Variants in PPP2R3A observed in about 807,000 individuals in gnomAD.
PPP2R3A encodes serine/threonine-protein phosphatase 2A regulatory subunit B'' subunit alpha.
Under a neutral mutation model 106.9 loss-of-function variants are expected in PPP2R3A, and 80 were observed. The ratio of observed to expected loss-of-function variants is 0.75; its 90% CI spans 0.62 to 0.90. The LOEUF (loss-of-function observed/expected upper bound fraction) is 0.90. PPP2R3A is among the 40% of genes least tolerant of loss of function. The probability of loss-of-function intolerance (pLI) is 0.00; values close to 1 mark genes in which losing one functional copy is unlikely to be tolerated. For missense variants in PPP2R3A, 1,386 were observed against 1,350.4 expected (o/e 1.03, Z -0.41); for synonymous variants, 483 against 468.3 (o/e 1.03, Z -0.41).
At chr3:136,138,649 C>T (rs191890854) in intron 13 of PPP2R3A, among the ~76,000 whole-genome samples, 3 of 137,008 alleles carry the variant, frequency 2.2e-5, no homozygotes, top group Non-Finnish European at 1.5e-5. Context: ...AAATCACACA[C>T]TTGTATTTCT....
chr3:135,988,138 G>C (rs1409234378), intron 1 of PPP2R3A, among the ~76,000 whole-genome samples: 4 of 151,498 alleles, frequency 2.6e-5, no homozygotes, highest in African/African-American at 9.7e-5. Flanking sequence ...TGAACTACCT[G>C]AACTACCGAT....
chr3:135,988,245 C>G (rs1399344398), intron 1 of PPP2R3A, among the ~76,000 whole-genome samples: 3 of 143,606 alleles, frequency 2.1e-5, no homozygotes, highest in Admixed American at 1.4e-4. Context: ...TTCAGTTGTT[C>G]AAGGATTAAA....
chr3:135,987,094 G>A (rs898499908), intron 1 of PPP2R3A, among the ~76,000 whole-genome samples: 6 of 152,060 alleles, frequency 3.9e-5, no homozygotes, highest in Admixed American at 3.9e-4. Context: ...AGAGTTGATC[G>A]TTCACTTTAT....
Position 136,082,300 on chromosome 3 carries a change from C to T in PPP2R3A, c.2667C>T (p.Asn889=), listed in dbSNP as rs1043325258. The change falls in exon 8 of 14, where the codon AAC becomes AAT. Residue 889 remains asparagine, a synonymous_variant. Transcript: ENST00000264977. ...TTTTGGAAGAAGAGGAAGATATAAACCAAATTACAGATTACTTCTCCTATG... is the reference window on the plus strand; with the variant it reads ...TTTTGGAAGAAGAGGAAGATATAAATCAAATTACAGATTACTTCTCCTATG... ...LALLEEEEDI[N]QITDYFSYEH... The T allele has an allele frequency of 6.3e-6, 10 of 1,597,720 alleles. No homozygotes were observed. Among genetic ancestry groups the T allele is most frequent in the Non-Finnish European group, 8.6e-6 (10 of 1,165,326 alleles).
At chr3:136,044,570 C>CAAAAAAAA (rs1247139572) in intron 4 of PPP2R3A, among the ~76,000 whole-genome samples, 3 of 76,088 alleles carry the variant, frequency 3.9e-5, no homozygotes, top group African/African-American at 1.8e-4. Context: ...GACCCTGTCT[C>CAAAAAAAA]AAAAAAAAAA....
At chr3:136,087,799 G>C (rs1936991834) in intron 8 of PPP2R3A, 84 bp from the exon 9 acceptor site, 1 of 1,079,166 alleles carries the variant, frequency 9.3e-7, no homozygotes, top group East Asian at 2.4e-5. Flanking sequence ...CTTGTAGCTA[G>C]TGAAAAGCAA....
chr3:136,029,150 C>T (rs1047200147), intron 3 of PPP2R3A, among the ~76,000 whole-genome samples: 14 of 152,176 alleles, frequency 9.2e-5, no homozygotes, highest in East Asian at 1.9e-4. Flanking sequence ...ATTTCTAACA[C>T]GAGAGCAATT....
intron 3 of PPP2R3A, among the ~76,000 whole-genome samples, chr3:136,030,928 C>T (rs973893969): frequency 6.6e-6 from 1 of 151,948 alleles, no homozygotes; most frequent in Non-Finnish European, 1.5e-5. Flanking sequence ...CTGCTATAAA[C>T]ATGCATGTAC....
At chr3:136,136,090 A>ATG (rs1938614469) in intron 13 of PPP2R3A, among the ~76,000 whole-genome samples, 1 of 131,574 alleles carries the variant, frequency 7.6e-6, no homozygotes, top group Non-Finnish European at 1.6e-5. Flanking sequence ...ATATATATAT[A>ATG]TATAAAAAAC....
chr3:136,132,162 A>G (rs1331882798), intron 13 of PPP2R3A, among the ~76,000 whole-genome samples: 1 of 151,792 alleles, frequency 6.6e-6, no homozygotes, highest in Non-Finnish European at 1.5e-5. Flanking sequence ...TTTAAGTATA[A>G]TAAAAAAAAA....
chr3:136,107,041 A>C (rs951198467), intron 13 of PPP2R3A: 1 of 151,888 alleles, frequency 6.6e-6, no homozygotes, highest in Non-Finnish European at 1.5e-5. Context: ...TAACTTCTAC[A>C]TGTATTTCTA....
chr3:136,086,338 C>G (rs566812689), intron 8 of PPP2R3A, among the ~76,000 whole-genome samples: 1 of 151,910 alleles, frequency 6.6e-6, no homozygotes, highest in Non-Finnish European at 1.5e-5. Flanking sequence ...AAAAATTAGC[C>G]GGGTGTGGTG....
chr3:136,009,241 G>C (rs546457026), intron 2 of PPP2R3A, among the ~76,000 whole-genome samples: 3 of 152,042 alleles, frequency 2.0e-5, no homozygotes, highest in African/African-American at 4.8e-5. Flanking sequence ...GGGCCTGGAG[G>C]GGGCAGTAAG....
chr3:136,061,825 C>T (rs1936084492), intron 5 of PPP2R3A, among the ~76,000 whole-genome samples: 1 of 148,294 alleles, frequency 6.7e-6, no homozygotes, highest in Non-Finnish European at 1.5e-5. Flanking sequence ...GAAGCTGAGG[C>T]AGGAGAATGG....
chr3:136,032,215 T>C (rs1040336512), intron 3 of PPP2R3A, among the ~76,000 whole-genome samples: 1 of 152,238 alleles, frequency 6.6e-6, no homozygotes, highest in Admixed American at 6.5e-5. Context: ...GTGGTTTTAC[T>C]TGTAGAGGTC....
intron 10 of PPP2R3A, among the ~76,000 whole-genome samples, chr3:136,091,127 A>G (rs1000477087): frequency 3.3e-5 from 5 of 152,134 alleles, no homozygotes; most frequent in African/African-American, 1.2e-4. Flanking sequence ...GGAGTTATTA[A>G]TTTACACATT....
intron 4 of PPP2R3A, among the ~76,000 whole-genome samples, chr3:136,047,218 T>C (rs1220352260): frequency 1.3e-5 from 2 of 152,212 alleles, no homozygotes; most frequent in Non-Finnish European, 2.9e-5. Flanking sequence ...TGGACATGGC[T>C]GAACTCCATG....
chr3:136,081,012 G>A (rs1341600752), intron 7 of PPP2R3A, among the ~76,000 whole-genome samples: 1 of 147,394 alleles, frequency 6.8e-6, no homozygotes, highest in South Asian at 2.1e-4. Context: ...TTTTTTCTTT[G>A]AGACGGAGTT....
rs150720948 is a variant in PPP2R3A, at chr3:136,030,621, G to C, written c.2262+3523G>C. On this transcript the variant is annotated intron_variant, in intron 3 of 13. Coordinates refer to ENST00000264977, the MANE Select transcript of PPP2R3A (RefSeq NM_002718.5). ...TATGCCTTTGCATCCTCATAGCTTA[G>C]CTCCCACTTATGAGTGAGAACATAT... Among the ~76,000 whole-genome samples the C allele has an allele frequency of 1.1e-4, 16 of 152,008 alleles. No homozygotes were observed. The East Asian group carries it at 1.9e-3, about 18-fold the overall frequency.
Sources: allele counts gnomAD v4.1 joint callset (sites outside exome capture counted in the v4.1 genomes callset), GRCh38; gene constraint gnomAD v4.1.1; transcripts MANE v1.5; gene names NCBI Gene and HGNC (gene_info 2026-07-23, HGNC 2026-07-21).